KCNJ12: variants seen among roughly 807,000 people sequenced by gnomAD.
KCNJ12 encodes the protein ATP-sensitive inward rectifier potassium channel 12.
Under a neutral mutation model 22.3 loss-of-function variants are expected in KCNJ12, and 2 were observed. That is an observed-to-expected ratio of 0.09 (90% CI 0.04 to 0.28). The LOEUF is 0.28. Among genes scored for constraint, KCNJ12 ranks in the 10% least tolerant of loss-of-function variants. The pLI is 1.00. For missense variants in KCNJ12, 155 were observed against 633.3 expected (o/e 0.24, Z 8.11); for synonymous variants, 117 against 261.4 (o/e 0.45, Z 5.33).
intron 2 of KCNJ12, among the ~76,000 whole-genome samples, chr17:21,412,125 G>A (rs1186471758): frequency 6.6e-6 from 1 of 152,298 alleles, no homozygotes; most frequent in African/African-American, 2.4e-5. Flanking sequence ...AGTTTCCAGG[G>A]GTCCTGGGAC....
chr17:21,383,340 T>C (rs1168577787), intron 1 of KCNJ12, among the ~76,000 whole-genome samples: 1 of 151,966 alleles, frequency 6.6e-6, no homozygotes, highest in African/African-American at 2.4e-5. Flanking sequence ...GCCCCGACCC[T>C]CTGCCTCGGG....
chr17:21,380,677 T>C (rs1461647065), intron 1 of KCNJ12, among the ~76,000 whole-genome samples: 2 of 152,012 alleles, frequency 1.3e-5, no homozygotes, highest in East Asian at 3.9e-4. Flanking sequence ...GGAGGGGGTG[T>C]GAGCATTTGT....
At chr17:21,395,583 A>AG (rs1353293262) in intron 1 of KCNJ12, among the ~76,000 whole-genome samples, 4 of 151,090 alleles carry the variant, frequency 2.6e-5, no homozygotes, top group Non-Finnish European at 5.9e-5. Context: ...AAAAAAAAAA[A>AG]AAAAAAAAAA....
At chr17:21,391,794 C>T (rs569296075) in intron 1 of KCNJ12, among the ~76,000 whole-genome samples, 83 of 152,356 alleles carry the variant, frequency 5.4e-4, no homozygotes, top group Non-Finnish European at 1.0e-3. Flanking sequence ...CCATCTACCT[C>T]GAGCCTGTGG....
chr17:21,402,284 C>G (rs1905659681), intron 1 of KCNJ12, among the ~76,000 whole-genome samples: 1 of 152,310 alleles, frequency 6.6e-6, no homozygotes, highest in East Asian at 1.9e-4. Context: ...GGCAGTCTTC[C>G]CTGACCTCTG....
At chr17:21,410,424 G>A (rs1290215408) in intron 2 of KCNJ12, among the ~76,000 whole-genome samples, 1 of 152,258 alleles carries the variant, frequency 6.6e-6, no homozygotes, top group East Asian at 1.9e-4. Flanking sequence ...TGTGGCTGAG[G>A]AATGGTGCTT....
chr17:21,407,312 CCATCCACT>C (rs1363843509), intron 1 of KCNJ12, among the ~76,000 whole-genome samples: 3 of 152,292 alleles, frequency 2.0e-5, no homozygotes, highest in Non-Finnish European at 4.4e-5. Context: ...ATCTATCCAC[CCATCCACT>C]CATCCACTCA....
chr17:21,397,617 C>T lies in KCNJ12; in HGVS notation c.-178-10902C>T, dbSNP rs376251553. On this transcript the variant is annotated intron_variant, in intron 1 of 2. Transcript: ENST00000583088. Reference sequence around the variant, plus strand: ...GGGCTAATGCACTGGCCACGGGCAGCGTGTGCAATTAGTGTGTTAATTGTC... The same window carrying T: ...GGGCTAATGCACTGGCCACGGGCAGTGTGTGCAATTAGTGTGTTAATTGTC... Among the ~76,000 whole-genome samples the T allele has an allele frequency of 2.8e-4, 42 of 152,178 alleles. 1 individual carries two copies. Among genetic ancestry groups the T allele is most frequent in the African/African-American group, 7.7e-4 (32 of 41,434 alleles).
In KCNJ12 at chr17:21,402,895, C is replaced by T. The variant is rs1364750873; in HGVS notation, c.-178-5624C>T. Among the ~76,000 whole-genome samples, 12 of 152,418 alleles carry T rather than the reference C, an allele frequency of 7.9e-5. No individual in the cohort carries two copies. In the East Asian group the frequency reaches 1.2e-3, roughly 15 times the overall value. ...ATTACAGAGGGACTGAGGCAGGACA[C>T]CTGGGTGCTAGGCCCAGCTCTGGCT... On this transcript the variant is annotated intron_variant, in intron 1 of 2. Transcript: ENST00000583088.
chr17:21,408,043 A>C (rs56251843), intron 1 of KCNJ12, among the ~76,000 whole-genome samples: 17 of 152,186 alleles, frequency 1.1e-4, no homozygotes, highest in Admixed American at 6.5e-4. Context: ...TCATCCACCC[A>C]CCCAGCTATT....
chr17:21,381,387 T>A (rs1904862180), intron 1 of KCNJ12, among the ~76,000 whole-genome samples: 1 of 152,060 alleles, frequency 6.6e-6, no homozygotes, highest in Non-Finnish European at 1.5e-5. Context: ...ACTCTGGGTG[T>A]CAGGGCCCTC....
At chr17:21,407,649 A>G (rs1197370703) in intron 1 of KCNJ12, among the ~76,000 whole-genome samples, 3 of 150,882 alleles carry the variant, frequency 2.0e-5, no homozygotes, top group Admixed American at 2.0e-4. Context: ...TCATCTACCC[A>G]TCCACTCAGT....
intron 1 of KCNJ12, among the ~76,000 whole-genome samples, chr17:21,387,186 C>T (rs917613051): frequency 1.5e-4 from 23 of 151,150 alleles, no homozygotes; most frequent in African/African-American, 5.4e-4. Flanking sequence ...AAACAAGAAA[C>T]GTGCTCTCCA....
At chr17:21,387,040 C>T (rs1227347737) in intron 1 of KCNJ12, among the ~76,000 whole-genome samples, 1 of 152,156 alleles carries the variant, frequency 6.6e-6, no homozygotes, top group African/African-American at 2.4e-5. Flanking sequence ...CCTGTAGTCC[C>T]AGCTACTCAG....
At chr17:21,408,177 G>C (rs1906095239) in intron 1 of KCNJ12, among the ~76,000 whole-genome samples, 1 of 152,308 alleles carries the variant, frequency 6.6e-6, no homozygotes. Context: ...CTCTGGAATA[G>C]TAACAACAAT....
At chr17:21,403,187 C>T (rs1338853332) in intron 1 of KCNJ12, among the ~76,000 whole-genome samples, 13 of 152,304 alleles carry the variant, frequency 8.5e-5, no homozygotes, top group African/African-American at 2.4e-4. Context: ...TGGTGAGGGG[C>T]GAGCTCTGGC....
chr17:21,393,630 G>A (rs999152966), intron 1 of KCNJ12, among the ~76,000 whole-genome samples: 2 of 152,196 alleles, frequency 1.3e-5, no homozygotes, highest in Non-Finnish European at 2.9e-5. Context: ...CTGAGTCCTG[G>A]GGCTCCACCT....
chr17:21,378,095 G>A (rs2144754172), intron 1 of KCNJ12, among the ~76,000 whole-genome samples: 1 of 152,342 alleles, frequency 6.6e-6, no homozygotes, highest in East Asian at 1.9e-4. Context: ...TGGAAGGTGC[G>A]AACCCGGAAG....
intron 1 of KCNJ12, among the ~76,000 whole-genome samples, chr17:21,402,173 C>T (rs1905653211): frequency 1.3e-5 from 2 of 152,308 alleles, no homozygotes; most frequent in African/African-American, 4.8e-5. Flanking sequence ...CTGCCCTCCC[C>T]TGGCCTCAGC....
Sources: allele counts gnomAD v4.1 joint callset (sites outside exome capture counted in the v4.1 genomes callset), GRCh38; gene constraint gnomAD v4.1.1; transcripts MANE v1.5; gene names NCBI Gene and HGNC (gene_info 2026-07-23, HGNC 2026-07-21).